Variants in EPHA6 observed in about 807,000 individuals in gnomAD.
EPHA6 encodes EPH receptor A6.
Under a neutral mutation model 112.0 loss-of-function variants are expected in EPHA6, and 50 were observed. The observed-to-expected ratio is 0.45, with a 90% CI of 0.36 to 0.56. The LOEUF (loss-of-function observed/expected upper bound fraction) is 0.56. Ranked by LOEUF, EPHA6 falls within the 20% of genes least tolerant of loss-of-function variation. EPHA6 has a pLI of 0.00. For synonymous variants in EPHA6, 529 were observed against 490.7 expected (o/e 1.08, Z -1.03); for missense variants, 1,280 against 1,417.4 (o/e 0.90, Z 1.56).
intron 3 of EPHA6, among the ~76,000 whole-genome samples, chr3:97,131,206 TTA>T (rs2048328391): frequency 6.6e-6 from 1 of 152,118 alleles, no homozygotes; most frequent in Non-Finnish European, 1.5e-5. Flanking sequence ...GAAGTCTACA[TTA>T]TATGAATGTA....
At chr3:97,162,441 T>C (rs2076436083) in intron 3 of EPHA6, among the ~76,000 whole-genome samples, 1 of 152,170 alleles carries the variant, frequency 6.6e-6, no homozygotes. Flanking sequence ...AGGGATCCAG[T>C]GGACCAACTA....
chr3:97,655,521 C>T (rs1487588489), intron 14 of EPHA6, among the ~76,000 whole-genome samples: 3 of 151,900 alleles, frequency 2.0e-5, no homozygotes, highest in Non-Finnish European at 2.9e-5. Context: ...TTAATCCAGT[C>T]TATCATCGTT....
chr3:97,207,034 A>G (rs932039037), intron 3 of EPHA6, among the ~76,000 whole-genome samples: 1 of 152,144 alleles, frequency 6.6e-6, no homozygotes, highest in African/African-American at 2.4e-5. Context: ...AAGTACTAAA[A>G]TTGCAGGCTT....
At chr3:97,420,603 C>T (rs578080150) in intron 6 of EPHA6, among the ~76,000 whole-genome samples, 1 of 152,158 alleles carries the variant, frequency 6.6e-6, no homozygotes, top group African/African-American at 2.4e-5. Context: ...GTTTTTAAGT[C>T]ATTTTTTTCC....
intron 2 of EPHA6, among the ~76,000 whole-genome samples, chr3:96,941,273 T>A (rs1429329875): frequency 6.6e-6 from 1 of 152,220 alleles, no homozygotes; most frequent in Non-Finnish European, 1.5e-5. Context: ...CATAGTCCCA[T>A]ATTTCCTGGA....
At chr3:97,081,431 A>G (rs1436859267) in intron 3 of EPHA6, among the ~76,000 whole-genome samples, 1 of 151,960 alleles carries the variant, frequency 6.6e-6, no homozygotes, top group African/African-American at 2.4e-5. Flanking sequence ...AATGTGCACC[A>G]TGAAAGTGTT....
intron 3 of EPHA6, among the ~76,000 whole-genome samples, chr3:97,171,964 C>T (rs939563361): frequency 5.9e-5 from 9 of 152,166 alleles, no homozygotes; most frequent in Middle Eastern, 3.4e-3. Flanking sequence ...GAAGGAAGTG[C>T]CTTCAACTTT....
Position 97,000,398 on chromosome 3 carries a change from A to T in EPHA6, c.1114+12405A>T, listed in dbSNP as rs191848337. 1.7e-3 allele frequency among the ~76,000 whole-genome samples: 260 copies of T among 151,522 alleles called. 1 individual carries two copies. The highest frequency in any genetic ancestry group is 2.9e-3 in the Non-Finnish European group (197 of 67,766). Reference sequence around the variant, plus strand: ...ATATATATATGTATATGTTGGAGTTAAAATATTGTTTAAAAGCTGAGGTAA... The same window carrying T: ...ATATATATATGTATATGTTGGAGTTTAAATATTGTTTAAAAGCTGAGGTAA... On this transcript the variant is annotated intron_variant, in intron 3 of 17. Coordinates refer to ENST00000389672, the MANE Select transcript of EPHA6 (RefSeq NM_001080448.3).
intron 3 of EPHA6, among the ~76,000 whole-genome samples, chr3:97,055,014 C>T (rs767715290): frequency 3.7e-4 from 56 of 151,872 alleles, no homozygotes; most frequent in Non-Finnish European, 7.8e-4. Context: ...ACTCCTGATT[C>T]GTAGTAGTGG....
intron 2 of EPHA6, among the ~76,000 whole-genome samples, chr3:96,868,434 A>C (rs1175345724): frequency 6.6e-6 from 1 of 151,794 alleles, no homozygotes; most frequent in Non-Finnish European, 1.5e-5. Context: ...TAATCTAGGT[A>C]TCAATATAGG....
At chr3:97,554,296 C>G (rs575785730) in intron 11 of EPHA6, among the ~76,000 whole-genome samples, 9 of 152,002 alleles carry the variant, frequency 5.9e-5, no homozygotes, top group Non-Finnish European at 1.3e-4. Flanking sequence ...AGAGCTAACC[C>G]TTGTTAATAA....
chr3:97,483,832 G>A (rs1039100409), intron 9 of EPHA6, 102 bp from the exon 10 acceptor site: 2 of 1,194,812 alleles, frequency 1.7e-6, no homozygotes, highest in Non-Finnish European at 2.2e-6. Context: ...TCATTATCAA[G>A]ACTGACTACT....
intron 5 of EPHA6, among the ~76,000 whole-genome samples, chr3:97,332,007 A>C (rs2082824624): frequency 6.6e-6 from 1 of 152,188 alleles, no homozygotes; most frequent in Admixed American, 6.5e-5. Flanking sequence ...AAAAATCCTC[A>C]ATAAAATACT....
chr3:97,392,880 A>T (rs1407225966), intron 5 of EPHA6, among the ~76,000 whole-genome samples: 1 of 151,738 alleles, frequency 6.6e-6, no homozygotes, highest in Non-Finnish European at 1.5e-5. Context: ...GGAAATCAGA[A>T]ATCAGCTGAC....
At chr3:97,396,620 T>A (rs2086710056) in intron 5 of EPHA6, among the ~76,000 whole-genome samples, 1 of 151,604 alleles carries the variant, frequency 6.6e-6, no homozygotes, top group Non-Finnish European at 1.5e-5. Flanking sequence ...AAAATGTAAT[T>A]TTTCAATTCT....
intron 6 of EPHA6, among the ~76,000 whole-genome samples, chr3:97,416,716 G>GTTTAAA (rs2088152832): frequency 6.6e-6 from 1 of 152,044 alleles, no homozygotes; most frequent in Non-Finnish European, 1.5e-5. Flanking sequence ...CATTAGGAAT[G>GTTTAAA]ATATTAAAAT....
chr3:97,355,283 C>A (rs190078891), intron 5 of EPHA6, among the ~76,000 whole-genome samples: 1 of 152,078 alleles, frequency 6.6e-6, no homozygotes, highest in Admixed American at 6.5e-5. Context: ...AAGATGAACC[C>A]ATCAAATATA....
intron 14 of EPHA6, among the ~76,000 whole-genome samples, chr3:97,697,522 T>C (rs2033118385): frequency 2.0e-5 from 3 of 152,306 alleles, no homozygotes; most frequent in Admixed American, 2.0e-4. Context: ...AAGATGAATG[T>C]GTCACAGACC....
chr3:97,179,717 G>GCCTCTCTCTCTCTC (rs1491571294), intron 3 of EPHA6, among the ~76,000 whole-genome samples: 1 of 119,108 alleles, frequency 8.4e-6, no homozygotes, highest in Non-Finnish European at 1.7e-5. Flanking sequence ...AACCTACAGA[G>GCCTCTCTCTCTCTC]TCTCTCTCTC....
Sources: gnomAD v4.1 joint callset for allele counts (sites outside exome capture counted in the v4.1 genomes callset) on GRCh38, gnomAD v4.1.1 for gene constraint, MANE v1.5 for transcripts, NCBI Gene and HGNC (gene_info 2026-07-23, HGNC 2026-07-21) for gene names.